The following UBE2R2 variants were observed in gnomAD, a reference collection of about 807,000 sequenced individuals.
UBE2R2 encodes ubiquitin-conjugating enzyme E2 R2.
UBE2R2 carries 1 observed loss-of-function variant against 27.8 expected under a neutral mutation model. That is an observed-to-expected ratio of 0.04 (90% CI 0.01 to 0.17). The LOEUF is 0.17. Among genes scored for constraint, UBE2R2 ranks in the 10% least tolerant of loss-of-function variants. UBE2R2 has a pLI of 1.00. For missense variants in UBE2R2, 100 were observed against 291.0 expected, an observed-to-expected ratio of 0.34 and a Z score of 4.78; for synonymous variants, 106 against 113.3, an observed-to-expected ratio of 0.94 and a Z score of 0.41.
At chr9:33,820,567 C>T (rs1825963696) in intron 1 of UBE2R2, among the ~76,000 whole-genome samples, 1 of 152,150 alleles carries the variant, frequency 6.6e-6, no homozygotes, top group South Asian at 2.1e-4. Context: ...TGTCTTAAGA[C>T]AAGGCTTTTA....
intron 1 of UBE2R2, among the ~76,000 whole-genome samples, chr9:33,859,407 C>A (rs1399936906): frequency 6.6e-6 from 1 of 152,180 alleles, no homozygotes; most frequent in East Asian, 1.9e-4. Context: ...AATCCCTAAC[C>A]TGCCTGATAG....
At chr9:33,878,102 A>C (rs1387622899) in intron 1 of UBE2R2, among the ~76,000 whole-genome samples, 1 of 152,184 alleles carries the variant, frequency 6.6e-6, no homozygotes, top group African/African-American at 2.4e-5. Flanking sequence ...CACAGTTCTA[A>C]ACATTGTTCA....
At chr9:33,883,110 T>G (rs939725378) in intron 1 of UBE2R2, among the ~76,000 whole-genome samples, 1 of 152,142 alleles carries the variant, frequency 6.6e-6, no homozygotes, top group Non-Finnish European at 1.5e-5. Flanking sequence ...AATAATAATT[T>G]TAATTGTGTC....
chr9:33,871,764 A>G (rs377144211), intron 1 of UBE2R2, among the ~76,000 whole-genome samples: 1 of 152,228 alleles, frequency 6.6e-6, no homozygotes, highest in South Asian at 2.1e-4. Flanking sequence ...AGGCTGGAGT[A>G]CAGTGGCGTG....
chr9:33,895,754 T>C (rs1822088305), intron 2 of UBE2R2, among the ~76,000 whole-genome samples: 1 of 149,178 alleles, frequency 6.7e-6, no homozygotes. Context: ...ACTAGATTTA[T>C]TCTCTCTCTC....
intron 1 of UBE2R2, among the ~76,000 whole-genome samples, chr9:33,851,907 A>C (rs1204233485): frequency 6.6e-6 from 1 of 152,120 alleles, no homozygotes; most frequent in East Asian, 1.9e-4. Context: ...ATATATAACT[A>C]TATAAAAGTA....
intron 1 of UBE2R2, among the ~76,000 whole-genome samples, chr9:33,863,188 CAAAAAA>C (rs544206798): frequency 9.4e-6 from 1 of 106,028 alleles, no homozygotes; most frequent in South Asian, 2.9e-4. Context: ...GAGACTCCCT[CAAAAAA>C]AAAAAAAAAA....
At chr9:33,875,914 T>G (rs1821592654) in intron 1 of UBE2R2, among the ~76,000 whole-genome samples, 1 of 152,240 alleles carries the variant, frequency 6.6e-6, no homozygotes, top group Admixed American at 6.5e-5. Flanking sequence ...CTTATATTCA[T>G]ATGTTAATAG....
At chr9:33,854,931 T>G (rs1253231788) in intron 1 of UBE2R2, among the ~76,000 whole-genome samples, 3 of 151,950 alleles carry the variant, frequency 2.0e-5, no homozygotes, top group African/African-American at 7.3e-5. Flanking sequence ...AGGTTGGTCT[T>G]GAACTCCTGG....
chr9:33,868,572 A>G (rs914945105), intron 1 of UBE2R2: 3 of 152,336 alleles, frequency 2.0e-5, no homozygotes, highest in African/African-American at 7.2e-5. Context: ...GCTGCTGTCC[A>G]AGGATTGCAT....
At chr9:33,877,823 G>C (rs2486678) in intron 1 of UBE2R2, among the ~76,000 whole-genome samples, 4,326 of 130,686 alleles carry the variant, frequency 0.033, 107 homozygotes, top group South Asian at 0.057. Context: ...CTGTCTGTCT[G>C]TCTCTCTCTC....
chr9:33,845,480 C>T (rs1383275657), intron 1 of UBE2R2, among the ~76,000 whole-genome samples: 1 of 151,634 alleles, frequency 6.6e-6, no homozygotes, highest in Non-Finnish European at 1.5e-5. Context: ...GATCTCCTGA[C>T]CTCGTGATCT....
At chr9:33,916,451 G>A (rs1445664081) in intron 4 of UBE2R2, among the ~76,000 whole-genome samples, 1 of 152,176 alleles carries the variant, frequency 6.6e-6, no homozygotes, top group Non-Finnish European at 1.5e-5. Context: ...TGGGGCACTT[G>A]AGTTTGGTGG....
chr9:33,826,641 G>T (rs973037153), intron 1 of UBE2R2, among the ~76,000 whole-genome samples: 1 of 152,138 alleles, frequency 6.6e-6, no homozygotes, highest in Admixed American at 6.6e-5. Context: ...AGAGGTTGCA[G>T]TGAGCTGAGA....
upstream of UBE2R2, among the ~76,000 whole-genome samples, chr9:33,815,335 T>C (rs1825728214): frequency 6.6e-6 from 1 of 152,264 alleles, no homozygotes; most frequent in Non-Finnish European, 1.5e-5. Flanking sequence ...GATGTATCAA[T>C]ATTAGCTCAT....
chr9:33,866,540 A>G (rs1032920385), intron 1 of UBE2R2, among the ~76,000 whole-genome samples: 7 of 152,166 alleles, frequency 4.6e-5, no homozygotes, highest in African/African-American at 1.7e-4. Flanking sequence ...CACCCAGCCA[A>G]CATTTTTAAT....
intron 4 of UBE2R2, among the ~76,000 whole-genome samples, chr9:33,913,152 G>T (rs200137089): frequency 2.6e-5 from 4 of 151,634 alleles, no homozygotes; most frequent in African/African-American, 9.7e-5. Flanking sequence ...GTAGTGACAG[G>T]GTTTCACCAT....
At chr9:33,821,764 C>T (rs1371613042) in intron 1 of UBE2R2, among the ~76,000 whole-genome samples, 1 of 151,586 alleles carries the variant, frequency 6.6e-6, no homozygotes, top group African/African-American at 2.4e-5. Context: ...TACCGGCGTG[C>T]GCCATGAAAC....
At position 33,817,657 on chromosome 9, in the gene UBE2R2, C is replaced by CTGTGAAGACCGGGGCCCGGTGAAGA. The variant is rs1232660457; in HGVS notation, c.-101_-100insTGTGAAGACCGGGGCCCGGTGAAGA. On this transcript the variant is annotated 5_prime_UTR_variant, in exon 1 of 5. Transcript: ENST00000263228. ...GTGTGAAGACCGGGGCCCGGTGCTG[C>CTGTGAAGACCGGGGCCCGGTGAAGA]CCGGCCGGAGGGCGAGCGGAGGGGA... is the stretch of plus-strand genomic sequence containing the variant. 5.6e-5 allele frequency: 65 copies of CTGTGAAGACCGGGGCCCGGTGAAGA among 1,153,944 alleles called. No homozygotes were observed. Among genetic ancestry groups the CTGTGAAGACCGGGGCCCGGTGAAGA allele is most frequent in the Non-Finnish European group, 6.0e-5 (56 of 940,638 alleles). 71.5% of individuals were successfully genotyped at this position (1,153,944 alleles called of 1,614,324 possible). A position where few individuals can be genotyped will look rare whatever the true frequency, so the allele number is the denominator to read the frequency against.
Sources: gnomAD v4.1 joint callset for allele counts (sites outside exome capture counted in the v4.1 genomes callset) on GRCh38, gnomAD v4.1.1 for gene constraint, MANE v1.5 for transcripts, NCBI Gene and HGNC (gene_info 2026-07-23, HGNC 2026-07-21) for gene names.